CACNB4: variants seen among roughly 807,000 people sequenced by gnomAD.
CACNB4 encodes voltage-dependent L-type calcium channel subunit beta-4.
CACNB4 carries 32 observed loss-of-function variants against 71.2 expected under a neutral mutation model. The ratio of observed to expected loss-of-function variants is 0.45; its 90% confidence interval spans 0.34 to 0.60. The LOEUF is 0.60. Among genes scored for constraint, CACNB4 ranks in the 20% least tolerant of loss-of-function variants. The probability of loss-of-function intolerance (pLI) is 0.01; values close to 1 mark genes in which losing one functional copy is unlikely to be tolerated. For missense variants in CACNB4, 464 were observed against 647.9 expected, an observed-to-expected ratio of 0.72 and a Z score of 3.08; for synonymous variants, 231 against 236.9, an observed-to-expected ratio of 0.97 and a Z score of 0.23.
intron 2 of CACNB4, chr2:151,973,894 A>G: frequency 7.0e-7 from 1 of 1,430,868 alleles, no homozygotes; most frequent in Non-Finnish European, 9.1e-7. Context: ...TTATCCCCAG[A>G]GGCAGTCCAG....
At chr2:152,054,169 C>T (rs1418700493) in intron 2 of CACNB4, among the ~76,000 whole-genome samples, 1 of 151,552 alleles carries the variant, frequency 6.6e-6, no homozygotes, top group Non-Finnish European at 1.5e-5. Context: ...AGATCGAGAC[C>T]ATCCTGGCTA....
chr2:152,056,989 AT>A (rs1579214650), intron 2 of CACNB4, among the ~76,000 whole-genome samples: 1 of 152,184 alleles, frequency 6.6e-6, no homozygotes, highest in East Asian at 1.9e-4. Context: ...ACCTCCCAGT[AT>A]TCCTAGTCAT....
intron 5 of CACNB4, 42 bp from the exon 6 acceptor site, chr2:151,872,535 C>A: frequency 9.1e-7 from 1 of 1,100,124 alleles, no homozygotes; most frequent in South Asian, 1.3e-5. Flanking sequence ...TCCCCAGATT[C>A]TTTGAAAATA....
chr2:152,012,559 G>A (rs898135581), intron 2 of CACNB4, among the ~76,000 whole-genome samples: 3 of 150,218 alleles, frequency 2.0e-5, no homozygotes, highest in African/African-American at 7.4e-5. Flanking sequence ...AGCCAAGATC[G>A]TGTCACTGTG....
At chr2:151,960,674 G>C (rs964270022) in intron 2 of CACNB4, among the ~76,000 whole-genome samples, 4 of 152,200 alleles carry the variant, frequency 2.6e-5, no homozygotes, top group Admixed American at 6.5e-5. Context: ...TGGTCCACCA[G>C]TCAAGGGTTA....
intron 2 of CACNB4, among the ~76,000 whole-genome samples, chr2:151,997,394 C>CT (rs1262668320): frequency 6.6e-6 from 1 of 152,022 alleles, no homozygotes; most frequent in African/African-American, 2.4e-5. Flanking sequence ...ATTAGGCAGG[C>CT]GTGGTGGCGG....
chr2:152,024,063 C>G (rs1170345183), intron 2 of CACNB4, among the ~76,000 whole-genome samples: 1 of 152,150 alleles, frequency 6.6e-6, no homozygotes, highest in Non-Finnish European at 1.5e-5. Context: ...CTCACGCCTG[C>G]AAGCCCAACA....
chr2:151,903,647 A>G (rs2099854035), intron 2 of CACNB4, among the ~76,000 whole-genome samples: 1 of 152,240 alleles, frequency 6.6e-6, no homozygotes, highest in Non-Finnish European at 1.5e-5. Flanking sequence ...GCTCTGGCCA[A>G]TAACATGCTT....
chr2:151,919,394 G>C (rs2099858352), intron 2 of CACNB4, among the ~76,000 whole-genome samples: 2 of 152,126 alleles, frequency 1.3e-5, no homozygotes, highest in Non-Finnish European at 2.9e-5. Context: ...ACCGCGCCCA[G>C]CCTGTATGAG....
chr2:151,885,536 C>T (rs1321608539), intron 2 of CACNB4, among the ~76,000 whole-genome samples: 1 of 152,202 alleles, frequency 6.6e-6, no homozygotes, highest in East Asian at 1.9e-4. Flanking sequence ...TTTCCTAGTG[C>T]TGACATTTTC....
chr2:151,945,924 T>C (rs1005468012), intron 2 of CACNB4, among the ~76,000 whole-genome samples: 6 of 151,140 alleles, frequency 4.0e-5, no homozygotes, highest in African/African-American at 1.5e-4. Flanking sequence ...CGTGTGTGTA[T>C]ATACAAAGAA....
rs150905174 is a variant in CACNB4 at position 152,077,803 on chromosome 2, A to G, written c.147+20527T>C. On this transcript the variant is annotated intron_variant, in intron 2 of 13. Coordinates refer to ENST00000539935, the MANE Select transcript of CACNB4 (RefSeq NM_000726.5). ...TAAGCTGAAACACGAAGATGAAGTA[A>G]GAGAGTCTGACAGGAGTTATATCAC... is the stretch of plus-strand genomic sequence containing the variant. Among the ~76,000 whole-genome samples, 29 of 152,330 alleles carry G rather than the reference A, an allele frequency of 1.9e-4. 1 individual carries two copies. Among genetic ancestry groups the G allele is most frequent in the African/African-American group, 7.0e-4 (29 of 41,584 alleles).
At chr2:151,966,489 C>T (rs1228596807) in intron 2 of CACNB4, among the ~76,000 whole-genome samples, 1 of 152,088 alleles carries the variant, frequency 6.6e-6, no homozygotes, top group African/African-American at 2.4e-5. Context: ...CCATCTTGGC[C>T]AGGCTGGTCT....
At chr2:152,095,776 C>T (rs1688231035) in intron 2 of CACNB4, among the ~76,000 whole-genome samples, 1 of 152,140 alleles carries the variant, frequency 6.6e-6, no homozygotes, top group Non-Finnish European at 1.5e-5. Context: ...CTCAGCCTCC[C>T]GAGTAGCTGG....
intron 2 of CACNB4, among the ~76,000 whole-genome samples, chr2:151,960,445 C>T (rs1307961212): frequency 2.0e-5 from 3 of 152,158 alleles, no homozygotes; most frequent in Admixed American, 6.5e-5. Context: ...CTACTTCCCC[C>T]GAGTTCGCCT....
intron 2 of CACNB4, among the ~76,000 whole-genome samples, chr2:152,022,674 T>C (rs778547371): frequency 5.3e-5 from 8 of 152,228 alleles, no homozygotes; most frequent in African/African-American, 1.9e-4. Context: ...GCAATATGCA[T>C]GTTTACCTCC....
intron 2 of CACNB4, among the ~76,000 whole-genome samples, chr2:151,953,246 C>T (rs1042048843): frequency 1.3e-5 from 2 of 152,018 alleles, no homozygotes; most frequent in Non-Finnish European, 2.9e-5. Flanking sequence ...CTCCTGCCTA[C>T]GGGATCTGTC....
intron 2 of CACNB4, among the ~76,000 whole-genome samples, chr2:151,982,625 T>G: frequency 7.7e-6 from 1 of 130,316 alleles, no homozygotes; most frequent in African/African-American, 3.2e-5. Context: ...AGAGCGAGAC[T>G]CCGTCTCAAA....
chr2:151,955,722 T>G (rs72869730), intron 2 of CACNB4, among the ~76,000 whole-genome samples: 4 of 151,718 alleles, frequency 2.6e-5, no homozygotes, highest in Admixed American at 2.6e-4. Context: ...CCCGGCAACA[T>G]AGTGAGACCC....
Sources: allele counts gnomAD v4.1 joint callset (sites outside exome capture counted in the v4.1 genomes callset), GRCh38; gene constraint gnomAD v4.1.1; transcripts MANE v1.5; gene names NCBI Gene and HGNC (gene_info 2026-07-23, HGNC 2026-07-21).